The following STIM1 variants were observed in gnomAD, a reference collection of about 807,000 sequenced individuals.
The protein encoded by STIM1 is stromal interaction molecule 1.
In STIM1, 25 loss-of-function variants were observed where a neutral mutation model predicts 74.7. The ratio of observed to expected loss-of-function variants is 0.33; its 90% CI spans 0.24 to 0.47. The LOEUF (loss-of-function observed/expected upper bound fraction) is 0.47, where lower values mean the gene tolerates loss of function less well. Among genes scored for constraint, STIM1 ranks in the 20% least tolerant of loss-of-function variants. The probability of loss-of-function intolerance (pLI) is 1.00; values close to 1 mark genes in which losing one functional copy is unlikely to be tolerated. For synonymous variants in STIM1, 328 were observed against 348.8 expected (o/e 0.94, Z 0.66); for missense variants, 728 against 920.8 (o/e 0.79, Z 2.71).
chr11:3,956,823 CAAAAAAAAAAAAAAAAA>C lies in STIM1; in HGVS notation c.140-10717_140-10701del, dbSNP rs78285130. Among the ~76,000 whole-genome samples the C allele has an allele frequency of 1.6e-4, 6 of 38,152 alleles. No individual in the cohort carries two copies. In the Admixed American group the frequency reaches 2.0e-3, roughly 13 times the overall value. 25.0% of individuals were successfully genotyped at this position (38,152 alleles called of 152,430 possible). A position where few individuals can be genotyped will look rare whatever the true frequency, so the allele number is the denominator to read the frequency against. On this transcript the variant is annotated intron_variant, in intron 1 of 12. Transcript: ENST00000526596. ...GGGTGACAGAGCAAGACCCTGTCTCCAAAAAAAAAAAAAAAAAAAAAAAAAAAAGTCAGAGAGGAGAA... is the reference window on the plus strand; with the variant it reads ...GGGTGACAGAGCAAGACCCTGTCTCCAAAAAAAAAAAGTCAGAGAGGAGAA...
At chr11:3,927,642 G>A (rs2092804909) in intron 1 of STIM1, among the ~76,000 whole-genome samples, 2 of 152,186 alleles carry the variant, frequency 1.3e-5, no homozygotes, top group South Asian at 4.1e-4. Flanking sequence ...GTAGCAAATT[G>A]AGTTCCTGGG....
chr11:3,891,962 T>C (rs1333886510), intron 1 of STIM1, among the ~76,000 whole-genome samples: 1 of 152,150 alleles, frequency 6.6e-6, no homozygotes, highest in Non-Finnish European at 1.5e-5. Context: ...AAAAACAAGG[T>C]GTTTGGGCTA....
rs535301150 is a variant in STIM1 at position 3,867,377 on chromosome 11, G to C, written c.139+10968G>C. ...TGTGCTTGAAGAGGACATGAAACCT[G>C]TAGGCAAGGCCTTCTTGGGTCTTCC... On this transcript the variant is annotated intron_variant, in intron 1 of 12. Coordinates refer to ENST00000526596, the MANE Select transcript of STIM1 (RefSeq NM_001382567.1). 5.3e-5 allele frequency: 8 copies of C among 152,364 alleles called. No individual in the cohort carries two copies. In the East Asian group the frequency reaches 1.5e-3, roughly 29 times the overall value. The allele number at this position is 152,364 out of a possible 1,614,324, so 9.4% of individuals were successfully genotyped here.
At chr11:4,053,816 C>T (rs1204068787) in intron 3 of STIM1, among the ~76,000 whole-genome samples, 1 of 152,060 alleles carries the variant, frequency 6.6e-6, no homozygotes, top group East Asian at 1.9e-4. Flanking sequence ...ACTGTATTGC[C>T]CAGGCTGGTC....
chr11:3,957,613 A>T (rs2093231953), intron 1 of STIM1, among the ~76,000 whole-genome samples: 1 of 152,124 alleles, frequency 6.6e-6, no homozygotes, highest in Admixed American at 6.6e-5. Context: ...GCTGGAGTGC[A>T]GTGTCATGAT....
chr11:3,879,695 A>G (rs1285349108), intron 1 of STIM1, among the ~76,000 whole-genome samples: 1 of 152,220 alleles, frequency 6.6e-6, no homozygotes, highest in Non-Finnish European at 1.5e-5. Flanking sequence ...CAGAACAGAA[A>G]CTATATCTCA....
chr11:3,900,195 GC>G (rs2092311342), intron 1 of STIM1, among the ~76,000 whole-genome samples: 1 of 152,160 alleles, frequency 6.6e-6, no homozygotes, highest in Non-Finnish European at 1.5e-5. Flanking sequence ...AGACTGCTGT[GC>G]TAGCAATCAG....
At chr11:3,863,198 A>G (rs1317049080) in intron 1 of STIM1, among the ~76,000 whole-genome samples, 3 of 149,582 alleles carry the variant, frequency 2.0e-5, no homozygotes, top group African/African-American at 7.4e-5. Context: ...CTGGCCACAC[A>G]CGTATATATT....
At chr11:3,860,418 G>C (rs1284821531) in intron 1 of STIM1, among the ~76,000 whole-genome samples, 3 of 152,204 alleles carry the variant, frequency 2.0e-5, no homozygotes, top group African/African-American at 2.4e-5. Flanking sequence ...GCCAGAGTTT[G>C]AATCCAGGCA....
chr11:3,979,654 G>A (rs889531454), intron 2 of STIM1, among the ~76,000 whole-genome samples: 10 of 152,054 alleles, frequency 6.6e-5, no homozygotes, highest in African/African-American at 2.4e-4. Context: ...TGCCAAGTCT[G>A]GTATTGAACT....
intron 3 of STIM1, among the ~76,000 whole-genome samples, chr11:4,033,879 G>C (rs113982279): frequency 6.6e-6 from 1 of 151,854 alleles, no homozygotes; most frequent in Non-Finnish European, 1.5e-5. Context: ...GATTACAGGC[G>C]TGAGCCACTG....
intron 3 of STIM1, among the ~76,000 whole-genome samples, chr11:4,033,790 G>A (rs531350376): frequency 1.1e-4 from 17 of 151,302 alleles, no homozygotes; most frequent in Non-Finnish European, 1.9e-4. Flanking sequence ...TAGTAGAGAC[G>A]GGGTTTCACC....
At chr11:3,901,922 G>A (rs925353322) in intron 1 of STIM1, among the ~76,000 whole-genome samples, 7 of 152,042 alleles carry the variant, frequency 4.6e-5, no homozygotes, top group Non-Finnish European at 8.8e-5. Context: ...CACGTGCCAC[G>A]ATGCCCAGCT....
chr11:3,989,163 A>G, intron 2 of STIM1: 1 of 1,207,904 alleles, frequency 8.3e-7, no homozygotes, highest in Non-Finnish European at 1.2e-6. Context: ...GGTATTATTC[A>G]GACTTGGCTT....
intron 4 of STIM1, among the ~76,000 whole-genome samples, chr11:4,058,334 A>G: frequency 6.6e-6 from 1 of 152,100 alleles, no homozygotes; most frequent in East Asian, 1.9e-4. Flanking sequence ...TGCGTCTCTT[A>G]CTGGTGGGCT....
In STIM1 at chr11:3,986,671, G is replaced by T. The variant is rs917789651; in HGVS notation, c.270+18989G>T. Among the ~76,000 whole-genome samples the T allele has an allele frequency of 5.9e-5, 9 of 152,084 alleles. 1 individual carries two copies. The South Asian group carries it at 8.3e-4, about 14-fold the overall frequency. The stretch of plus-strand genomic sequence containing the variant: ...GGAAGAAGAGCATTCCAGGAAAGGG[G>T]AACTTAACGAGTAAAGGCAGGAGGC... On this transcript the variant is annotated intron_variant, in intron 2 of 12. Transcript: ENST00000526596.
intron 1 of STIM1, among the ~76,000 whole-genome samples, chr11:3,896,106 A>G (rs965961868): frequency 7.9e-5 from 12 of 151,368 alleles, no homozygotes; most frequent in East Asian, 1.9e-4. Flanking sequence ...GGGTTTCACC[A>G]TGTTAGCCAG....
chr11:3,965,621 C>T (rs2093332345), intron 1 of STIM1, among the ~76,000 whole-genome samples: 1 of 152,226 alleles, frequency 6.6e-6, no homozygotes, highest in Non-Finnish European at 1.5e-5. Context: ...TCCCACTCCC[C>T]AATTTAGCAG....
chr11:3,869,431 C>G (rs1173473294), intron 1 of STIM1, among the ~76,000 whole-genome samples: 1 of 152,192 alleles, frequency 6.6e-6, no homozygotes, highest in Non-Finnish European at 1.5e-5. Context: ...GTGATCTTCT[C>G]TGCTGAGGGA....
Sources: gnomAD v4.1 joint callset for allele counts (sites outside exome capture counted in the v4.1 genomes callset) on GRCh38, gnomAD v4.1.1 for gene constraint, MANE v1.5 for transcripts, NCBI Gene and HGNC (gene_info 2026-07-23, HGNC 2026-07-21) for gene names.